Variants in MARK4 observed in about 807,000 individuals in gnomAD.
MARK4 encodes the protein microtubule affinity regulating kinase 4.
MARK4 carries 19 observed loss-of-function variants against 81.5 expected under a neutral mutation model. That is an observed-to-expected ratio of 0.23 (90% CI 0.16 to 0.34). MARK4 has a LOEUF of 0.34. Ranked by LOEUF, MARK4 falls within the 10% of genes least tolerant of loss-of-function variation. The pLI, the probability that MARK4 is intolerant of heterozygous loss-of-function variation, is 1.00. For missense variants in MARK4, 772 were observed against 1,058.8 expected (o/e 0.73, Z 3.76); for synonymous variants, 436 against 439.0 (o/e 0.99, Z 0.08).
At chr19:45,281,215 G>A (rs549659563) in intron 12 of MARK4, among the ~76,000 whole-genome samples, 6 of 151,618 alleles carry the variant, frequency 4.0e-5, no homozygotes, top group Non-Finnish European at 7.4e-5. Flanking sequence ...ATAACCCCCC[G>A]GCTAATTTTT....
chr19:45,278,363 G>GT (rs1970628781), intron 9 of MARK4, among the ~76,000 whole-genome samples, 153 bp from the exon 10 acceptor site: 1 of 152,138 alleles, frequency 6.6e-6, no homozygotes, highest in Non-Finnish European at 1.5e-5. Context: ...GGCAGGGGAC[G>GT]TGGGGGAGAG....
chr19:45,289,668 G>A (rs535239974), intron 13 of MARK4, among the ~76,000 whole-genome samples: 1 of 151,854 alleles, frequency 6.6e-6, no homozygotes, highest in South Asian at 2.1e-4. Flanking sequence ...TACTCAGGAG[G>A]CTGAGGCAGG....
At chr19:45,261,426 A>G (rs367811419) in intron 2 of MARK4, among the ~76,000 whole-genome samples, 2 of 152,224 alleles carry the variant, frequency 1.3e-5, no homozygotes, top group Non-Finnish European at 2.9e-5. Flanking sequence ...GTACTTCACC[A>G]CATTCTCAGA....
At chr19:45,251,702 G>A (rs907622859) in intron 1 of MARK4, 63 bp downstream of exon 1, 2 of 1,409,720 alleles carry the variant, frequency 1.4e-6, no homozygotes, top group African/African-American at 3.0e-5. Flanking sequence ...CCTTCTCCCC[G>A]TTGTACCCCT....
chr19:45,280,293 C>T lies in MARK4; in HGVS notation c.1007-81C>T, dbSNP rs145357401. The T allele has an allele frequency of 9.6e-4, 1,213 of 1,270,142 alleles. 11 individuals carry two copies. In the African/African-American group the frequency reaches 0.014, roughly 15 times the overall value. The allele number at this position is 1,270,142 out of a possible 1,614,324, so 78.7% of individuals were successfully genotyped here. A position where few individuals can be genotyped will look rare whatever the true frequency, so the allele number is the denominator to read the frequency against. On this transcript the variant is annotated intron_variant, in intron 10 of 16. Coordinates refer to ENST00000262891, the MANE Select transcript of MARK4 (RefSeq NM_001199867.2). ...CTCCAGCCTGGGTGACAGAGTGACA[C>T]CCTGTCTCAAAAAAAAAGAGAAATG...
intron 2 of MARK4, among the ~76,000 whole-genome samples, chr19:45,261,536 G>A (rs184983638): frequency 2.0e-5 from 3 of 152,270 alleles, no homozygotes; most frequent in East Asian, 3.9e-4. Context: ...AAAGCTAAGG[G>A]GCTCTCTCTT....
chr19:45,265,019 G>A (rs910324074), intron 6 of MARK4, 109 bp downstream of exon 6: 1 of 1,071,096 alleles, frequency 9.3e-7, no homozygotes, highest in Admixed American at 1.9e-5. Flanking sequence ...CGGGGCTTAA[G>A]TCTGGGCAGG....
chr19:45,298,986 G>A (rs917186682), intron 15 of MARK4, among the ~76,000 whole-genome samples: 2 of 150,854 alleles, frequency 1.3e-5, no homozygotes, highest in Non-Finnish European at 2.9e-5. Flanking sequence ...CGAGGCAGGA[G>A]GATCACTTGA....
In MARK4 at chr19:45,287,488, A is replaced by C; in HGVS notation, c.1318A>C (p.Thr440Pro). 6.6e-7 allele frequency: 1 copy of C among 1,504,528 alleles called. No individual in the cohort carries two copies. Among genetic ancestry groups the C allele is most frequent in the South Asian group, 1.3e-5 (1 of 76,728 alleles). 93.2% of individuals were successfully genotyped at this position (1,504,528 alleles called of 1,614,324 possible). ...PAPLHPKRSP[T>P]STGEAELKEE... is the part of the protein sequence containing the mutation. ...ACCCCTGCACCCCAAACGCAGCCCGACGAGCACGGGGGAGGCGGAGCTGAA... is the reference window on the plus strand; with the variant it reads ...ACCCCTGCACCCCAAACGCAGCCCGCCGAGCACGGGGGAGGCGGAGCTGAA... The change falls in exon 13 of 17, where the codon ACG (threonine) becomes CCG (proline). Residue 440 changes from threonine (T) to proline (P), a missense_variant. Thr to Pro is a conservative substitution (Grantham distance 38). Transcript: ENST00000262891.
In MARK4 at chr19:45,280,468, G is replaced by C. The variant is rs888625626; in HGVS notation, c.1101G>C (p.Leu367=). ...AAGTGACCGCCACCTACCTCCTGCT[G>C]GGCAGGAAGACTGAGGTCAGGGGGC... The part of the protein sequence containing the change: ...YNEVTATYLL[L]GRKTEEGGDR... The change falls in exon 11 of 17, where the codon CTG becomes CTC. Residue 367 remains leucine (L), a synonymous_variant. Coordinates refer to ENST00000262891, the MANE Select transcript of MARK4 (RefSeq NM_001199867.2). 2.2e-5 allele frequency: 36 copies of C among 1,614,020 alleles called. No homozygotes were observed. The Middle Eastern group carries it at 6.6e-4, about 29-fold the overall frequency.
intron 15 of MARK4, 132 bp downstream of exon 15, chr19:45,298,086 TC>T (rs1970914555): frequency 6.3e-7 from 1 of 1,578,444 alleles, no homozygotes; most frequent in Non-Finnish European, 8.7e-7. Flanking sequence ...CGTTTCCTCC[TC>T]CTCCTCCTCC....
intron 13 of MARK4, among the ~76,000 whole-genome samples, chr19:45,290,449 G>T (rs12460848): frequency 0.31 from 47,146 of 152,190 alleles, 7,585 homozygotes; most frequent in South Asian, 0.38. Flanking sequence ...GTGTCCACCT[G>T]TTACCAGTGG....
chr19:45,261,285 A>G (rs1970377252), intron 2 of MARK4, among the ~76,000 whole-genome samples: 1 of 152,214 alleles, frequency 6.6e-6, no homozygotes, highest in South Asian at 2.1e-4. Context: ...TCTGGTGAAC[A>G]TAGGTATAAA....
chr19:45,267,005 T>TC (rs1444287859), intron 7 of MARK4, among the ~76,000 whole-genome samples: 1 of 152,090 alleles, frequency 6.6e-6, no homozygotes, highest in Non-Finnish European at 1.5e-5. Context: ...GTGCTGGGAT[T>TC]ACAGGCATGA....
intron 8 of MARK4, among the ~76,000 whole-genome samples, chr19:45,276,112 A>C (rs1281583715): frequency 6.6e-6 from 1 of 151,898 alleles, no homozygotes; most frequent in Non-Finnish European, 1.5e-5. Context: ...CTGCAGCCTC[A>C]ACCTCCCGGG....
chr19:45,292,845 C>T (rs570256805), intron 13 of MARK4, among the ~76,000 whole-genome samples: 3 of 152,100 alleles, frequency 2.0e-5, no homozygotes, highest in East Asian at 1.9e-4. Flanking sequence ...GCACTCCAGC[C>T]TAGGCATCAG....
Position 45,304,536 on chromosome 19 carries a change from A to G in MARK4, c.*1826A>G, listed in dbSNP as rs1971023200. ...AATGAATAAGCTGGACTTTCTCCCC[A>G]TGGCACTGGGGAACCATGGAAGTTC... On this transcript the variant is annotated 3_prime_UTR_variant, in exon 17 of 17. Transcript: ENST00000262891. 1 of 152,260 alleles carries G rather than the reference A, an allele frequency of 6.6e-6. No homozygotes were observed. The highest frequency in any genetic ancestry group is 1.5e-5 in the Non-Finnish European group (1 of 68,074). The allele number at this position is 152,260 out of a possible 1,614,324, so 9.4% of individuals were successfully genotyped here. A position where few individuals can be genotyped will look rare whatever the true frequency, so the allele number is the denominator to read the frequency against.
chr19:45,280,135 G>T (rs1052194805), intron 10 of MARK4: 1 of 446,676 alleles, frequency 2.2e-6, no homozygotes, highest in African/African-American at 2.0e-5. Context: ...GATTGCTTGT[G>T]CCCAGGAGTT....
intron 4 of MARK4, 111 bp from the exon 5 acceptor site, chr19:45,264,573 G>C: frequency 1.0e-6 from 1 of 965,094 alleles, no homozygotes; most frequent in Non-Finnish European, 1.6e-6. Context: ...GAGCCATTGA[G>C]TGTTGAGTTG....
Sources: allele counts gnomAD v4.1 joint callset (sites outside exome capture counted in the v4.1 genomes callset), GRCh38; gene constraint gnomAD v4.1.1; transcripts MANE v1.5; gene names NCBI Gene and HGNC (gene_info 2026-07-23, HGNC 2026-07-21).